Variants in GRID2 observed in about 807,000 individuals in gnomAD.
GRID2 encodes glutamate ionotropic receptor delta type subunit 2, also known as glutamate receptor ionotropic, delta-2.
GRID2 carries 33 observed loss-of-function variants against 114.8 expected under a neutral mutation model. The ratio of observed to expected loss-of-function variants is 0.29; its 90% CI spans 0.22 to 0.38. GRID2 has a LOEUF of 0.38. Among genes scored for constraint, GRID2 ranks in the 10% least tolerant of loss-of-function variants. The probability of loss-of-function intolerance (pLI) is 1.00; values close to 1 mark genes in which losing one functional copy is unlikely to be tolerated. For synonymous variants in GRID2, 505 were observed against 449.9 expected (o/e 1.12, Z -1.55); for missense variants, 1,184 against 1,257.7 (o/e 0.94, Z 0.89).
At chr4:92,377,983 G>C (rs1208714676) in intron 1 of GRID2, among the ~76,000 whole-genome samples, 1 of 151,752 alleles carries the variant, frequency 6.6e-6, no homozygotes, top group Non-Finnish European at 1.5e-5. Context: ...TTGTAATACT[G>C]TTTTGAGCTC....
At chr4:92,842,013 A>G (rs1742934605) in intron 2 of GRID2, among the ~76,000 whole-genome samples, 1 of 152,140 alleles carries the variant, frequency 6.6e-6, no homozygotes, top group African/African-American at 2.4e-5. Flanking sequence ...AGTTACTACC[A>G]AATTGCAGTG....
intron 2 of GRID2, among the ~76,000 whole-genome samples, chr4:92,722,410 A>T (rs1735853118): frequency 6.6e-6 from 1 of 152,112 alleles, no homozygotes; most frequent in Non-Finnish European, 1.5e-5. Flanking sequence ...AAAAAAATAA[A>T]ATGCCCTAGA....
intron 2 of GRID2, among the ~76,000 whole-genome samples, chr4:92,734,295 C>CT (rs894536346): frequency 1.2e-4 from 18 of 150,156 alleles, no homozygotes; most frequent in East Asian, 5.9e-4. Context: ...CTTTACTTTA[C>CT]TTTTTTTTTA....
At chr4:93,167,867 A>C (rs2149417403) in intron 4 of GRID2, among the ~76,000 whole-genome samples, 1 of 152,216 alleles carries the variant, frequency 6.6e-6, no homozygotes, top group Non-Finnish European at 1.5e-5. Context: ...GTTTCAAAGT[A>C]ACTTAGGGTG....
At chr4:93,105,126 A>G (rs1329932426) in intron 3 of GRID2, among the ~76,000 whole-genome samples, 1 of 152,042 alleles carries the variant, frequency 6.6e-6, no homozygotes, top group Non-Finnish European at 1.5e-5. Flanking sequence ...GTGTCTGTTC[A>G]TGTCCTTTGC....
chr4:92,656,276 T>C (rs763405621), intron 2 of GRID2, among the ~76,000 whole-genome samples: 1 of 151,676 alleles, frequency 6.6e-6, no homozygotes, highest in African/African-American at 2.4e-5. Flanking sequence ...TGGCTTTAAT[T>C]TGTAATTCTC....
At chr4:92,634,877 GAA>G (rs869181098) in intron 2 of GRID2, among the ~76,000 whole-genome samples, 85 of 120,976 alleles carry the variant, frequency 7.0e-4, no homozygotes, top group African/African-American at 2.2e-3. Flanking sequence ...GAGAGAGAGA[GAA>G]AGAGAGAGAG....
At chr4:93,019,824 T>C (rs1723110106) in intron 2 of GRID2, among the ~76,000 whole-genome samples, 1 of 152,160 alleles carries the variant, frequency 6.6e-6, no homozygotes, top group Non-Finnish European at 1.5e-5. Context: ...GGTAACACAT[T>C]GTATGATCGT....
At chr4:93,798,951 C>CAG (rs1282554724) in intron 1 of GRID2, among the ~76,000 whole-genome samples, 1 of 152,092 alleles carries the variant, frequency 6.6e-6, no homozygotes, top group Non-Finnish European at 1.5e-5. Context: ...AAAAACAATA[C>CAG]AGAGAAAAAA....
intron 2 of GRID2, among the ~76,000 whole-genome samples, chr4:92,628,935 G>A (rs1730656362): frequency 6.6e-6 from 1 of 150,834 alleles, no homozygotes; most frequent in Non-Finnish European, 1.5e-5. Context: ...ATTTTATTTT[G>A]TGCCAGTAAT....
At chr4:93,664,880 C>G (rs1158305908) in intron 14 of GRID2, among the ~76,000 whole-genome samples, 1 of 151,966 alleles carries the variant, frequency 6.6e-6, no homozygotes, top group African/African-American at 2.4e-5. Context: ...GTATAATGTA[C>G]CTAAAACACA....
intron 2 of GRID2, among the ~76,000 whole-genome samples, chr4:92,854,543 G>T (rs1232418632): frequency 6.6e-6 from 1 of 151,620 alleles, no homozygotes; most frequent in Non-Finnish European, 1.5e-5. Flanking sequence ...GTGTGTTTGT[G>T]TGAGTGAGGA....
At chr4:93,000,737 CAATT>C (rs1250426434) in intron 2 of GRID2, among the ~76,000 whole-genome samples, 5 of 129,710 alleles carry the variant, frequency 3.9e-5, no homozygotes, top group African/African-American at 1.2e-4. Context: ...TATTTTTTAT[CAATT>C]AAATATTCCA....
intron 14 of GRID2, among the ~76,000 whole-genome samples, chr4:93,757,233 C>T (rs2110299137): frequency 6.6e-6 from 1 of 152,266 alleles, no homozygotes; most frequent in East Asian, 1.9e-4. Flanking sequence ...GAAAGAAAAA[C>T]ACCACTAAAT....
intron 13 of GRID2, among the ~76,000 whole-genome samples, chr4:93,518,161 A>G (rs1453871243): frequency 2.0e-5 from 3 of 151,258 alleles, no homozygotes; most frequent in Non-Finnish European, 2.9e-5. Context: ...AGTCCTCACA[A>G]TCTATAACTT....
chr4:93,094,056 T>A (rs1393761554), intron 3 of GRID2, among the ~76,000 whole-genome samples: 1 of 152,060 alleles, frequency 6.6e-6, no homozygotes. Context: ...AAGGAATATC[T>A]CTGTATGAAT....
At chr4:92,361,595 G>T (rs1305531225) in intron 1 of GRID2, among the ~76,000 whole-genome samples, 1 of 152,004 alleles carries the variant, frequency 6.6e-6, no homozygotes, top group Non-Finnish European at 1.5e-5. Context: ...CAGGGCTGCT[G>T]TAGCTAACTC....
At chr4:92,653,353 G>T (rs1267988685) in intron 2 of GRID2, among the ~76,000 whole-genome samples, 2 of 150,264 alleles carry the variant, frequency 1.3e-5, no homozygotes, top group Non-Finnish European at 3.0e-5. Flanking sequence ...GTGTGTTTGT[G>T]TGTTTGTAAT....
At chr4:93,651,013 T>C (rs2149721507) in intron 14 of GRID2, among the ~76,000 whole-genome samples, 1 of 152,320 alleles carries the variant, frequency 6.6e-6, no homozygotes, top group South Asian at 2.1e-4. Context: ...ATTTGAGGTC[T>C]CAAATAGCCA....
Sources: allele counts gnomAD v4.1 joint callset (sites outside exome capture counted in the v4.1 genomes callset), GRCh38; gene constraint gnomAD v4.1.1; transcripts MANE v1.5; gene names NCBI Gene and HGNC (gene_info 2026-07-23, HGNC 2026-07-21).